SLC14A2: variants seen among roughly 807,000 people sequenced by gnomAD.
SLC14A2 encodes urea transporter 2.
Under a neutral mutation model 104.6 loss-of-function variants are expected in SLC14A2, and 91 were observed. The ratio of observed to expected loss-of-function variants is 0.87; its 90% CI spans 0.73 to 1.04. The LOEUF (loss-of-function observed/expected upper bound fraction) is 1.04, where lower values mean the gene tolerates loss of function less well. Ranked by LOEUF, SLC14A2 falls within the 50% of genes least tolerant of loss-of-function variation. The probability of loss-of-function intolerance (pLI) is 0.00; values close to 1 mark genes in which losing one functional copy is unlikely to be tolerated. For missense variants in SLC14A2, 1,189 were observed against 1,156.0 expected, an observed-to-expected ratio of 1.03 and a Z score of -0.41; for synonymous variants, 476 against 466.4, an observed-to-expected ratio of 1.02 and a Z score of -0.27.
intron 2 of SLC14A2, among the ~76,000 whole-genome samples, chr18:45,554,062 G>C (rs2044093282): frequency 6.6e-6 from 1 of 152,238 alleles, no homozygotes; most frequent in Admixed American, 6.5e-5. Flanking sequence ...TGCCTGATTT[G>C]AAGGTCAAGA....
At chr18:45,217,203 T>A (rs2084018462) in intron 1 of SLC14A2, among the ~76,000 whole-genome samples, 1 of 148,976 alleles carries the variant, frequency 6.7e-6, no homozygotes, top group Non-Finnish European at 1.5e-5. Context: ...ACTATATAAA[T>A]ATAAATATTT....
intron 18 of SLC14A2, among the ~76,000 whole-genome samples, chr18:45,678,378 C>A (rs1905754116): frequency 6.6e-6 from 1 of 152,178 alleles, no homozygotes; most frequent in Admixed American, 6.5e-5. Context: ...ATCCTAAGGA[C>A]AATTGGGATG....
At chr18:45,302,402 T>G (rs923265315) in intron 1 of SLC14A2, among the ~76,000 whole-genome samples, 2 of 152,208 alleles carry the variant, frequency 1.3e-5, no homozygotes, top group African/African-American at 4.8e-5. Flanking sequence ...TTCCAATGAC[T>G]TCATTCTGTA....
At chr18:45,541,365 TAG>T (rs2043881144) in intron 2 of SLC14A2, among the ~76,000 whole-genome samples, 1 of 152,224 alleles carries the variant, frequency 6.6e-6, no homozygotes, top group Non-Finnish European at 1.5e-5. Flanking sequence ...ACCATCGCAT[TAG>T]CCATCTGGCC....
chr18:45,671,776 G>A (rs565142216), intron 16 of SLC14A2, among the ~76,000 whole-genome samples: 22 of 152,316 alleles, frequency 1.4e-4, no homozygotes, highest in Admixed American at 5.9e-4. Flanking sequence ...GAGTTCTCTA[G>A]AGAAGAGCGT....
intron 1 of SLC14A2, among the ~76,000 whole-genome samples, chr18:45,622,712 G>T (rs1042552511): frequency 1.3e-5 from 2 of 152,184 alleles, no homozygotes; most frequent in Non-Finnish European, 2.9e-5. Flanking sequence ...AACGGCCAAA[G>T]AGTGTGTCAA....
chr18:45,525,104 A>G (rs2043574801), intron 2 of SLC14A2, among the ~76,000 whole-genome samples: 1 of 147,306 alleles, frequency 6.8e-6, no homozygotes, highest in Non-Finnish European at 1.5e-5. Flanking sequence ...GTAATTCCCA[A>G]GATGTTTTTG....
At chr18:45,629,223 G>A (rs559651905) in intron 4 of SLC14A2, among the ~76,000 whole-genome samples, 2 of 152,312 alleles carry the variant, frequency 1.3e-5, no homozygotes, top group South Asian at 4.1e-4. Flanking sequence ...GCCTGGCCCT[G>A]GTGAGAAGTT....
At chr18:45,504,506 C>G (rs1294132672) in intron 2 of SLC14A2, among the ~76,000 whole-genome samples, 1 of 152,222 alleles carries the variant, frequency 6.6e-6, no homozygotes, top group Non-Finnish European at 1.5e-5. Context: ...ACCTTCCCAT[C>G]TCTATGGCTG....
At chr18:45,556,749 G>A (rs2044138199) in intron 2 of SLC14A2, among the ~76,000 whole-genome samples, 1 of 152,182 alleles carries the variant, frequency 6.6e-6, no homozygotes, top group Non-Finnish European at 1.5e-5. Flanking sequence ...TATGCAATCT[G>A]TATATAGCTA....
chr18:45,475,641 GGATATATAT>G (rs1568227821), intron 1 of SLC14A2, among the ~76,000 whole-genome samples: 149 of 11,648 alleles, frequency 0.013, 1 homozygote, highest in African/African-American at 0.029. Context: ...TATATATTTA[GGATATATAT>G]ATATATATAT....
chr18:45,497,341 G>A (rs1321602213), intron 2 of SLC14A2, among the ~76,000 whole-genome samples: 4 of 152,168 alleles, frequency 2.6e-5, no homozygotes, highest in Non-Finnish European at 5.9e-5. Flanking sequence ...ACTGTGTTAG[G>A]CCAGTGAGGA....
chr18:45,347,794 C>T (rs556568673), intron 1 of SLC14A2, among the ~76,000 whole-genome samples: 5 of 152,298 alleles, frequency 3.3e-5, no homozygotes, highest in Admixed American at 6.5e-5. Context: ...TCCATGTTGC[C>T]ACAGACACTT....
chr18:45,283,532 G>A (rs1460377331), intron 1 of SLC14A2, among the ~76,000 whole-genome samples: 2 of 152,120 alleles, frequency 1.3e-5, no homozygotes, highest in Non-Finnish European at 2.9e-5. Context: ...CCAAAAAAAT[G>A]CTGCAGTCAC....
chr18:45,446,830 T>C (rs1201305250), intron 1 of SLC14A2, among the ~76,000 whole-genome samples: 1 of 152,124 alleles, frequency 6.6e-6, no homozygotes, highest in Admixed American at 6.5e-5. Context: ...GCAAGATGAA[T>C]AGGACAGAAT....
chr18:45,614,476 C>T (rs1384274449), upstream of SLC14A2, among the ~76,000 whole-genome samples: 1 of 152,200 alleles, frequency 6.6e-6, no homozygotes, highest in Non-Finnish European at 1.5e-5. Context: ...TCAGCTTGCA[C>T]TCTGCACCTG....
At chr18:45,603,709 A>G (rs932803647) in intron 2 of SLC14A2, among the ~76,000 whole-genome samples, 8 of 152,084 alleles carry the variant, frequency 5.3e-5, no homozygotes, top group African/African-American at 1.4e-4. Context: ...GAGCTCTCCC[A>G]GTGGAGGAAT....
intron 2 of SLC14A2, among the ~76,000 whole-genome samples, chr18:45,514,968 T>C (rs12456382): frequency 0.043 from 6,617 of 152,298 alleles, 230 homozygotes; most frequent in Admixed American, 0.088. Context: ...AGTACCAAGT[T>C]CAATGATTCT....
intron 1 of SLC14A2, among the ~76,000 whole-genome samples, chr18:45,472,638 T>A (rs1215789040): frequency 2.0e-5 from 3 of 152,192 alleles, no homozygotes. Flanking sequence ...GATGATGAGC[T>A]TTTTTTCATA....
Sources: gnomAD v4.1 joint callset for allele counts (sites outside exome capture counted in the v4.1 genomes callset) on GRCh38, gnomAD v4.1.1 for gene constraint, MANE v1.5 for transcripts, NCBI Gene and HGNC (gene_info 2026-07-23, HGNC 2026-07-21) for gene names.